The following TMEM52B variants were observed in gnomAD, a reference collection of about 807,000 sequenced individuals.
The protein encoded by TMEM52B is transmembrane protein 52B.
Under a neutral mutation model 16.1 loss-of-function variants are expected in TMEM52B, and 11 were observed. That is an observed-to-expected ratio of 0.68 (90% CI 0.43 to 1.13). TMEM52B has a LOEUF of 1.13. Ranked by LOEUF, TMEM52B falls within the 50% of genes most tolerant of loss-of-function variation. TMEM52B has a pLI of 0.00. For missense variants in TMEM52B, 243 were observed against 230.4 expected, an observed-to-expected ratio of 1.05 and a Z score of -0.35; for synonymous variants, 101 against 93.8, an observed-to-expected ratio of 1.08 and a Z score of -0.45.
chr12:10,177,775 A>G (rs905645766), upstream of TMEM52B, among the ~76,000 whole-genome samples: 21 of 54,494 alleles, frequency 3.9e-4, no homozygotes, highest in Admixed American at 2.9e-3. Context: ...TCAAATAATA[A>G]TAATAATAAT....
At chr12:10,172,623 G>A (rs373281185) in intron 1 of TMEM52B, among the ~76,000 whole-genome samples, 2 of 152,130 alleles carry the variant, frequency 1.3e-5, no homozygotes, top group East Asian at 1.9e-4. Context: ...CATTTCCAGC[G>A]ATGGTGTGTC....
intron 2 of TMEM52B, 129 bp downstream of exon 2, chr12:10,182,722 A>G (rs984337185): frequency 1.1e-5 from 10 of 943,790 alleles, no homozygotes; most frequent in Non-Finnish European, 1.5e-5. Context: ...AATAGATCTC[A>G]TAGATGACTT....
At chr12:10,178,981 G>A (rs2137542067), upstream of TMEM52B, 1 of 153,398 alleles carries the variant, frequency 6.5e-6, no homozygotes, top group South Asian at 2.0e-4. Context: ...TGAAGGGGAG[G>A]GTTTCAAAGA....
chr12:10,180,697 T>C (rs1457584501), intron 1 of TMEM52B, among the ~76,000 whole-genome samples: 1 of 152,250 alleles, frequency 6.6e-6, no homozygotes, highest in Non-Finnish European at 1.5e-5. Context: ...TACAAATCTG[T>C]TTCTTTTCTA....
Position 10,186,519 on chromosome 12 carries a change from G to A in TMEM52B, c.237G>A (p.Gly79=). The A allele has an allele frequency of 6.2e-7, 1 of 1,610,296 alleles. No individual in the cohort carries two copies. The highest frequency in any genetic ancestry group is 8.5e-7 in the Non-Finnish European group (1 of 1,177,098). ...GCCGCCAGCAAAATGGGGAAGATGG[G>A]GGCCCACCACCCTGTGAAGTGACCG... ...CLSRQQNGED[G]GPPPCEVTVI... is the part of the protein sequence containing the mutation. The change falls in exon 4 of 5, where the codon GGG becomes GGA. Residue 79 remains glycine (G), a synonymous_variant. Coordinates refer to ENST00000543484, the MANE Select transcript of TMEM52B (RefSeq NM_001384896.1).
chr12:10,189,796 G>A, intron 4 of TMEM52B, 100 bp from the exon 5 acceptor site: 1 of 1,502,222 alleles, frequency 6.7e-7, no homozygotes, highest in Non-Finnish European at 9.0e-7. Context: ...TTGGATACTT[G>A]TAAAAAATGA....
At position 10,172,088 on chromosome 12, in the gene TMEM52B, A is replaced by G. The variant is rs561719194; in HGVS notation, c.-95+1237A>G. 80 of 1,609,386 alleles carry G rather than the reference A, an allele frequency of 5.0e-5. No individual in the cohort carries two copies. In the East Asian group the frequency reaches 1.7e-3, roughly 34 times the overall value. ...GTCATCAAAAGTCATTTCCAAATTCAAGCTAAGAATGAGAGAGTGAAGCAG... is the reference window on the plus strand; with the variant it reads ...GTCATCAAAAGTCATTTCCAAATTCGAGCTAAGAATGAGAGAGTGAAGCAG... On this transcript the variant is annotated intron_variant, in intron 1 of 5. Coordinates refer to the TMEM52B transcript ENST00000381923.
At chr12:10,176,601 T>C (rs764125517), upstream of TMEM52B, among the ~76,000 whole-genome samples, 9 of 152,056 alleles carry the variant, frequency 5.9e-5, no homozygotes, top group Non-Finnish European at 1.0e-4. Flanking sequence ...GGTATAAAAA[T>C]ATACAAGAGA....
chr12:10,184,632 GT>G (rs553857822), intron 2 of TMEM52B, among the ~76,000 whole-genome samples: 29 of 150,046 alleles, frequency 1.9e-4, no homozygotes, highest in African/African-American at 4.6e-4. Context: ...AAGAAACTAA[GT>G]TTTTTTTTTC....
chr12:10,190,066 C>T lies in TMEM52B; in HGVS notation c.478C>T (p.Pro160Ser), dbSNP rs146938916. The change falls in exon 5 of 5, where the codon CCC becomes TCC. Residue 160 changes from proline (P) to serine (S), a missense_variant. Pro to Ser is a moderately conservative substitution (Grantham distance 74, BLOSUM62 -1). Transcript: ENST00000543484. ...AMCGQKAPDL[P>S]PVPEEKQLPP... ...GTGCGGGCAGAAAGCACCTGATCTACCCCCAGTACCTGAAGAAAAGCAGCT... is the reference window on the plus strand; with the variant it reads ...GTGCGGGCAGAAAGCACCTGATCTATCCCCAGTACCTGAAGAAAAGCAGCT... The T allele has an allele frequency of 1.1e-5, 17 of 1,614,146 alleles. No individual in the cohort carries two copies. In the African/African-American group the frequency reaches 1.9e-4, roughly 18 times the overall value.
chr12:10,172,128 A>C (rs1948727570), intron 1 of TMEM52B: 1 of 1,317,726 alleles, frequency 7.6e-7, no homozygotes, highest in African/African-American at 1.4e-5. Flanking sequence ...GAACTTCAAC[A>C]AACTAAAAAT....
chr12:10,185,411 A>G (rs558866666), intron 3 of TMEM52B, 43 bp downstream of exon 3: 4 of 1,491,138 alleles, frequency 2.7e-6, no homozygotes, highest in Non-Finnish European at 2.8e-6. Flanking sequence ...TGTATTCCTC[A>G]AGGCCATTAA....
At chr12:10,188,561 AAG>A (rs1948913675) in intron 4 of TMEM52B, among the ~76,000 whole-genome samples, 2 of 146,622 alleles carry the variant, frequency 1.4e-5, no homozygotes, top group Non-Finnish European at 3.1e-5. Context: ...GAAAAAGAAA[AAG>A]AAAAAGAAAA....
rs1948934967 is a variant in TMEM52B, at chr12:10,189,776, GACAATGAGTTTGGAT to G, written c.308-117_308-103del. On this transcript the variant is annotated intron_variant, in intron 4 of 4. Transcript: ENST00000543484. ...ATTCATAAAATTTGGGGCAAGGAGT[GACAATGAGTTTGGAT>G]ACTTGTAAAAAATGAAGCGACAGTT... The G allele has an allele frequency of 2.2e-6, 3 of 1,388,270 alleles. No homozygotes were observed. The Admixed American group carries it at 6.9e-5, about 32-fold the overall frequency. 86.0% of individuals were successfully genotyped at this position (1,388,270 alleles called of 1,614,324 possible). A position where few individuals can be genotyped will look rare whatever the true frequency, so the allele number is the denominator to read the frequency against.
chr12:10,187,196 C>T (rs182953383), intron 4 of TMEM52B, among the ~76,000 whole-genome samples: 17 of 138,946 alleles, frequency 1.2e-4, no homozygotes, highest in Admixed American at 1.1e-3. Context: ...CTCCGCCTTC[C>T]GGGTTCAAGT....
intron 1 of TMEM52B, among the ~76,000 whole-genome samples, chr12:10,172,817 G>T (rs1452263722): frequency 6.6e-6 from 1 of 152,138 alleles, no homozygotes; most frequent in East Asian, 1.9e-4. Flanking sequence ...ATGTCTACCT[G>T]ATAACATTGT....
At position 10,186,410 on chromosome 12, in the gene TMEM52B, G is replaced by A. The variant is rs763538412; in HGVS notation, c.138-10G>A. On this transcript the variant is annotated splice_polypyrimidine_tract_variant and intron_variant, in intron 3 of 4. Coordinates refer to ENST00000543484, the MANE Select transcript of TMEM52B (RefSeq NM_001384896.1). ...CCCAGAGCTCCCACTCGCCCCGTGGGCTTTTGCAGGTTGCTAGTGGTAATT... is the reference window on the plus strand; with the variant it reads ...CCCAGAGCTCCCACTCGCCCCGTGGACTTTTGCAGGTTGCTAGTGGTAATT... 8.8e-6 allele frequency: 14 copies of A among 1,596,268 alleles called. No homozygotes were observed. The South Asian group carries it at 1.2e-4, about 14-fold the overall frequency.
At chr12:10,181,472 G>A (rs1948821635) in intron 1 of TMEM52B, among the ~76,000 whole-genome samples, 1 of 151,726 alleles carries the variant, frequency 6.6e-6, no homozygotes, top group South Asian at 2.1e-4. Flanking sequence ...TGGGATTACA[G>A]GCGCACATCA....
Position 10,190,115 on chromosome 12 carries a change from C to T in TMEM52B, c.527C>T (p.Thr176Ile). ...KQLPPTEKES[T>I]RIVDSWN ...CTGCCTCCAACAGAGAAGGAGTCGA[C>T]TCGAATAGTTGACTCTTGGAACTGA... Residue 176 changes from threonine to isoleucine, a missense_variant, in exon 5 of 5, where the codon ACT becomes ATT. Thr to Ile is a moderately conservative substitution (Grantham distance 89). Coordinates refer to ENST00000543484, the MANE Select transcript of TMEM52B (RefSeq NM_001384896.1). The T allele has an allele frequency of 6.2e-7, 1 of 1,614,146 alleles. No individual in the cohort carries two copies. The highest frequency in any genetic ancestry group is 8.5e-7 in the Non-Finnish European group (1 of 1,180,040).
Sources: gnomAD v4.1 joint callset for allele counts (sites outside exome capture counted in the v4.1 genomes callset) on GRCh38, gnomAD v4.1.1 for gene constraint, MANE v1.5 for transcripts, NCBI Gene and HGNC (gene_info 2026-07-23, HGNC 2026-07-21) for gene names.